TOX3: variants seen among roughly 807,000 people sequenced by gnomAD.
TOX3 encodes the protein CAG trinucleotide repeat-containing gene F9 protein.
In TOX3, 22 loss-of-function variants were observed where a neutral mutation model predicts 64.3. The observed-to-expected ratio is 0.34, with a 90% CI of 0.24 to 0.49. The LOEUF (loss-of-function observed/expected upper bound fraction) is 0.49. Ranked by LOEUF, TOX3 falls within the 20% of genes least tolerant of loss-of-function variation. The pLI, the probability that TOX3 is intolerant of heterozygous loss-of-function variation, is 0.99. For synonymous variants in TOX3, 291 were observed against 273.6 expected, an observed-to-expected ratio of 1.06 and a Z score of -0.63; for missense variants, 661 against 714.4, an observed-to-expected ratio of 0.93 and a Z score of 0.85.
intron 1 of TOX3, among the ~76,000 whole-genome samples, chr16:52,485,670 G>A (rs917499305): frequency 6.6e-6 from 1 of 152,050 alleles, no homozygotes; most frequent in African/African-American, 2.4e-5. Context: ...AACAAAAAAG[G>A]AAGCATATAG....
chr16:52,479,446 G>A (rs938974838), intron 1 of TOX3, among the ~76,000 whole-genome samples: 2 of 152,162 alleles, frequency 1.3e-5, no homozygotes, highest in Admixed American at 1.3e-4. Context: ...AAAGGAGAAG[G>A]AAGATCAGAC....
intron 1 of TOX3, among the ~76,000 whole-genome samples, chr16:52,506,615 T>A (rs1962168665): frequency 6.6e-6 from 1 of 152,122 alleles, no homozygotes; most frequent in Non-Finnish European, 1.5e-5. Flanking sequence ...AAATTGTTCA[T>A]AACCACAAGC....
rs559656929 is a variant in TOX3, at chr16:52,537,126, G to A, written c.87+9511C>T. ...TTGTCTTGAAAATATCTTCTCATTA[G>A]CCCCACTTCAAAATGTCACCCTCTA... is the stretch of plus-strand genomic sequence containing the variant. On this transcript the variant is annotated intron_variant, in intron 1 of 6. Transcript: ENST00000219746. 7.3e-5 allele frequency among the ~76,000 whole-genome samples: 11 copies of A among 151,508 alleles called. 1 individual carries two copies. The highest frequency in any genetic ancestry group is 2.4e-4 in the African/African-American group (10 of 41,226).
intron 1 of TOX3, among the ~76,000 whole-genome samples, chr16:52,514,731 G>A (rs1429877600): frequency 2.0e-5 from 3 of 152,046 alleles, no homozygotes; most frequent in African/African-American, 7.2e-5. Context: ...AGGACCCAGG[G>A]CCAGGTGCGG....
chr16:52,485,052 TACAC>T (rs139274101), intron 1 of TOX3, among the ~76,000 whole-genome samples: 15 of 145,690 alleles, frequency 1.0e-4, no homozygotes, highest in East Asian at 2.0e-4. Context: ...TATATATATA[TACAC>T]ACACACAAAC....
At chr16:52,510,278 T>C (rs1005850505) in intron 1 of TOX3, among the ~76,000 whole-genome samples, 14 of 152,094 alleles carry the variant, frequency 9.2e-5, no homozygotes, top group African/African-American at 2.9e-4. Context: ...AATAAAGTGA[T>C]AGACAAGACA....
At chr16:52,480,604 C>T (rs2151448681) in intron 1 of TOX3, among the ~76,000 whole-genome samples, 1 of 152,320 alleles carries the variant, frequency 6.6e-6, no homozygotes, top group East Asian at 1.9e-4. Flanking sequence ...AATTACAAAA[C>T]TCCCTTAGTT....
chr16:52,439,593 G>A lies in TOX3; in HGVS notation c.1363C>T (p.Gln455Ter). The A allele has an allele frequency of 6.3e-7, 1 of 1,596,524 alleles. No individual in the cohort carries two copies. The highest frequency in any genetic ancestry group is 8.6e-7 in the Non-Finnish European group (1 of 1,168,040). The part of the protein sequence containing the change: ...LQQQQQQQQQ[Q>*]MQQMQQQQLQ... ...TGCTGCTGCTGCATCTGTTGCATCT[G>A]TTGTTGTTGCTGCTGCTGCTGCTGC... The change falls in exon 7 of 7, where the codon CAG becomes TAG. Residue 455 changes from glutamine to a stop codon, truncating the protein, a stop_gained. Transcript: ENST00000219746. LOFTEE classifies it high-confidence loss of function.
chr16:52,546,807 G>C lies in TOX3; in HGVS notation c.-84C>G. On this transcript the variant is annotated 5_prime_UTR_variant, in exon 1 of 7. Coordinates refer to ENST00000219746, the MANE Select transcript of TOX3 (RefSeq NM_001080430.4). Reference sequence around the variant, plus strand: ...CCTCCTCGCCGCCGCTAGATCCACCGTCGAGGGCGCCCGGGGGTGGCGCGT... The same window carrying C: ...CCTCCTCGCCGCCGCTAGATCCACCCTCGAGGGCGCCCGGGGGTGGCGCGT... 7.5e-7 allele frequency: 1 copy of C among 1,325,622 alleles called. No individual in the cohort carries two copies. Among genetic ancestry groups the C allele is most frequent in the South Asian group, 2.0e-5 (1 of 50,406 alleles). 82.1% of individuals were successfully genotyped at this position (1,325,622 alleles called of 1,614,324 possible). A position where few individuals can be genotyped will look rare whatever the true frequency, so the allele number is the denominator to read the frequency against.
At position 52,439,775 on chromosome 16, in the gene TOX3, A is replaced by C. The variant is rs556136578; in HGVS notation, c.1181T>G (p.Met394Arg). ...GGTGACTGATGTGACAATCTGGTTC[A>C]TGGGGAGTCTCATGGTTAAGGGTTT... ...APKPLTMRLP[M>R]NQIVTSVTIA... Residue 394 changes from methionine (M) to arginine (R), a missense_variant, in exon 7 of 7, where the codon ATG (methionine) becomes AGG (arginine). Transcript: ENST00000219746. 4.4e-4 allele frequency: 715 copies of C among 1,613,934 alleles called. 5 individuals carry two copies. In the South Asian group the frequency reaches 7.3e-3, roughly 17 times the overall value.
chr16:52,499,134 T>G (rs1279771654), intron 1 of TOX3, among the ~76,000 whole-genome samples: 1 of 152,208 alleles, frequency 6.6e-6, no homozygotes, highest in Non-Finnish European at 1.5e-5. Flanking sequence ...ACAAAGCTAC[T>G]AATATGATTC....
intron 3 of TOX3, among the ~76,000 whole-genome samples, chr16:52,461,429 G>A (rs576483099): frequency 6.6e-6 from 1 of 151,802 alleles, no homozygotes; most frequent in African/African-American, 2.4e-5. Context: ...CCCCTTTTTT[G>A]TTCCTGCCTT....
chr16:52,544,369 G>C (rs758229352), intron 1 of TOX3, among the ~76,000 whole-genome samples: 1 of 152,128 alleles, frequency 6.6e-6, no homozygotes, highest in Non-Finnish European at 1.5e-5. Context: ...AAATAAAATT[G>C]TGTTTTTCAC....
chr16:52,509,158 A>G (rs1379547967), intron 1 of TOX3, among the ~76,000 whole-genome samples: 2 of 152,192 alleles, frequency 1.3e-5, no homozygotes, highest in Non-Finnish European at 2.9e-5. Context: ...AAATAAAGCT[A>G]TTTATATATA....
intron 1 of TOX3, among the ~76,000 whole-genome samples, chr16:52,541,836 A>T (rs1195418823): frequency 6.6e-6 from 1 of 152,206 alleles, no homozygotes; most frequent in East Asian, 1.9e-4. Flanking sequence ...TCTAGTTAGG[A>T]GCAGCAGGAC....
chr16:52,442,319 T>G (rs1467171346), intron 6 of TOX3, among the ~76,000 whole-genome samples: 1 of 152,182 alleles, frequency 6.6e-6, no homozygotes, highest in Non-Finnish European at 1.5e-5. Context: ...ACCCTATTGA[T>G]ATTTCTGATG....
chr16:52,443,877 C>T (rs951216796), intron 6 of TOX3, among the ~76,000 whole-genome samples: 2 of 151,920 alleles, frequency 1.3e-5, no homozygotes, highest in Non-Finnish European at 2.9e-5. Context: ...GCAATGCCCC[C>T]CAATTGTAGT....
chr16:52,452,868 A>AAGT (rs1960395908), intron 3 of TOX3, among the ~76,000 whole-genome samples: 1 of 152,202 alleles, frequency 6.6e-6, no homozygotes, highest in Non-Finnish European at 1.5e-5. Flanking sequence ...AAAGTGTCAC[A>AAGT]AGTATCAGAA....
intron 3 of TOX3, among the ~76,000 whole-genome samples, chr16:52,450,785 T>G (rs1960316526): frequency 7.7e-6 from 1 of 129,056 alleles, no homozygotes; most frequent in African/African-American, 3.1e-5. Context: ...GAACTGTCAG[T>G]GGATGTGGAA....
Sources: gnomAD v4.1 joint callset for allele counts (sites outside exome capture counted in the v4.1 genomes callset) on GRCh38, gnomAD v4.1.1 for gene constraint, MANE v1.5 for transcripts, NCBI Gene and HGNC (gene_info 2026-07-23, HGNC 2026-07-21) for gene names.